RBM22: variants seen among roughly 807,000 people sequenced by gnomAD.
The protein encoded by RBM22 is RNA binding motif protein 22, also known as pre-mRNA-splicing factor RBM22.
Under a neutral mutation model 50.1 loss-of-function variants are expected in RBM22, and 1 was observed. The observed-to-expected ratio is 0.02, with a 90% confidence interval of 0.01 to 0.09. The LOEUF is 0.09. RBM22 is among the 10% of genes least tolerant of loss of function. The pLI is 1.00. For synonymous variants in RBM22, 152 were observed against 179.0 expected, an observed-to-expected ratio of 0.85 and a Z score of 1.20; for missense variants, 264 against 529.3, an observed-to-expected ratio of 0.50 and a Z score of 4.92.
chr5:150,696,905 A>C lies in RBM22; in HGVS notation c.272-14T>G. 4.3e-6 allele frequency: 7 copies of C among 1,611,064 alleles called. No individual in the cohort carries two copies. The highest frequency in any genetic ancestry group is 5.9e-6 in the Non-Finnish European group (7 of 1,177,238). ...GGATGGGCAGGCCTGGTACAAAAAAAGAGGAAAAAGACCTCAGATGTATTT... is the reference window on the plus strand; with the variant it reads ...GGATGGGCAGGCCTGGTACAAAAAACGAGGAAAAAGACCTCAGATGTATTT... On this transcript the variant is annotated splice_polypyrimidine_tract_variant and intron_variant, in intron 4 of 10. Coordinates refer to ENST00000199814, the MANE Select transcript of RBM22 (RefSeq NM_018047.3). The surrounding 1 kb of genome is among the most constrained non-coding windows in gnomAD (Gnocchi z 4.3).
intron 1 of RBM22, 149 bp from the exon 2 acceptor site, chr5:150,700,646 G>A (rs1247791869): frequency 5.2e-6 from 8 of 1,532,182 alleles, no homozygotes; most frequent in East Asian, 4.8e-5. Flanking sequence ...TCGCGGGAGG[G>A]GGCGCTGTCT....
chr5:150,699,223 C>T lies in RBM22; in HGVS notation c.138+19G>A. The T allele has an allele frequency of 1.3e-6, 2 of 1,584,678 alleles. No homozygotes were observed. Among genetic ancestry groups the T allele is most frequent in the African/African-American group, 1.4e-5 (1 of 73,436 alleles). On this transcript the variant is annotated intron_variant, in intron 3 of 10. Transcript: ENST00000199814. Reference sequence around the variant, plus strand: ...GAAAAATGAAACAGAAATCATTACTCTTTAACAGACATACTTACTTTGCAT... The same window carrying T: ...GAAAAATGAAACAGAAATCATTACTTTTTAACAGACATACTTACTTTGCAT...
Position 150,691,624 on chromosome 5 carries a change from T to C in RBM22, c.*127A>G. 2 of 1,141,244 alleles carry C rather than the reference T, an allele frequency of 1.8e-6. No homozygotes were observed. Among genetic ancestry groups the C allele is most frequent in the Non-Finnish European group, 2.3e-6 (2 of 856,558 alleles). 70.7% of individuals were successfully genotyped at this position (1,141,244 alleles called of 1,614,324 possible). ...GAAAGCATGGCTGTCAGTCTCTGAC[T>C]GCTCACATCTGAGCACATTCAGCTA... On this transcript the variant is annotated 3_prime_UTR_variant, in exon 11 of 11. Coordinates refer to ENST00000199814, the MANE Select transcript of RBM22 (RefSeq NM_018047.3).
intron 7 of RBM22, 85 bp downstream of exon 7, chr5:150,695,421 G>A (rs77328909): frequency 0.021 from 24,360 of 1,149,038 alleles, 373 homozygotes; most frequent in Non-Finnish European, 0.025. Flanking sequence ...ATTTTGTACA[G>A]AATGATCATT....
chr5:150,692,106 T>C (rs1371906773), intron 10 of RBM22, among the ~76,000 whole-genome samples: 3 of 152,212 alleles, frequency 2.0e-5, no homozygotes, highest in Non-Finnish European at 4.4e-5. Flanking sequence ...TATCGCCTAG[T>C]ATGTCATCTG....
chr5:150,695,400 C>A (rs535731148), intron 7 of RBM22, 106 bp downstream of exon 7: 7 of 1,015,148 alleles, frequency 6.9e-6, no homozygotes, highest in Admixed American at 2.5e-5. Context: ...AGAGAGACTA[C>A]AGAAAAATGT....
chr5:150,700,598 C>G (rs1225196746), intron 1 of RBM22, 101 bp from the exon 2 acceptor site: 2 of 1,577,466 alleles, frequency 1.3e-6, no homozygotes, highest in East Asian at 2.3e-5. Context: ...GGGTGGGGAA[C>G]TAGGCACGGC....
chr5:150,691,947 A>G (rs1759214903), intron 10 of RBM22, 66 bp from the exon 11 acceptor site: 8 of 1,404,138 alleles, frequency 5.7e-6, no homozygotes, highest in East Asian at 2.6e-5. Context: ...AAACCTCTCA[A>G]TCTTGCTAAG....
chr5:150,693,595 C>T (rs1759237681), intron 8 of RBM22, among the ~76,000 whole-genome samples: 1 of 152,248 alleles, frequency 6.6e-6, no homozygotes, highest in Non-Finnish European at 1.5e-5. Context: ...GCAGATGCTG[C>T]TATTAGCCAT....
chr5:150,698,686 G>A, intron 3 of RBM22, 55 bp from the exon 4 acceptor site: 1 of 1,594,058 alleles, frequency 6.3e-7, no homozygotes, highest in South Asian at 1.1e-5. Flanking sequence ...TGGGCAATCT[G>A]GAGATCTGAT....
rs1454091479 is a variant in RBM22, at chr5:150,700,693, C to T, written c.55-196G>A. On this transcript the variant is annotated intron_variant, in intron 1 of 10. Coordinates refer to ENST00000199814, the MANE Select transcript of RBM22 (RefSeq NM_018047.3). ...AGGCGGCGGGAGAAAAGAAAACCAG[C>T]TCTAATAGGCTGGAGGGGGCAGGGA... The T allele has an allele frequency of 2.0e-6, 3 of 1,528,910 alleles. No homozygotes were observed. In the Admixed American group the frequency reaches 6.0e-5, roughly 31 times the overall value. The allele number at this position is 1,528,910 out of a possible 1,614,324, so 94.7% of individuals were successfully genotyped here.
chr5:150,700,415 A>G lies in RBM22; in HGVS notation c.108+29T>C, dbSNP rs1224108447. 2.5e-6 allele frequency: 4 copies of G among 1,584,164 alleles called. No individual in the cohort carries two copies. The South Asian group carries it at 4.4e-5, about 18-fold the overall frequency. On this transcript the variant is annotated intron_variant, in intron 2 of 10. Coordinates refer to ENST00000199814, the MANE Select transcript of RBM22 (RefSeq NM_018047.3). ...AGTACCACAACATCGACAGGACATGAATAACTCGTTTCACACGCGATCACT... is the reference window on the plus strand; with the variant it reads ...AGTACCACAACATCGACAGGACATGGATAACTCGTTTCACACGCGATCACT...
In RBM22 at chr5:150,691,832, C is replaced by T; in HGVS notation, c.1182G>A (p.Met394Ile). Residue 394 changes from methionine to isoleucine, a missense_variant, in exon 11 of 11, where the codon ATG becomes ATA. Physicochemically the swap from Met to Ile is conservative, Grantham distance 10. Transcript: ENST00000199814. ...GATAGTGGATTGGTCCTGGAGCCCG[C>T]ATGAAAGGAGGGGGTGGTCCCATTG... is the stretch of plus-strand genomic sequence containing the variant. ...FHPMGPPPPFMRAPGPIHYPS... is the reference protein window; with the variant it reads ...FHPMGPPPPFIRAPGPIHYPS... 1 of 1,600,858 alleles carries T rather than the reference C, an allele frequency of 6.2e-7. No individual in the cohort carries two copies. The highest frequency in any genetic ancestry group is 1.3e-5 in the African/African-American group (1 of 74,774).
Position 150,691,701 on chromosome 5 carries a change from G to C in RBM22, c.*50C>G. 7.0e-7 allele frequency: 1 copy of C among 1,436,176 alleles called. No individual in the cohort carries two copies. Among genetic ancestry groups the C allele is most frequent in the Non-Finnish European group, 9.2e-7 (1 of 1,084,612 alleles). The allele number at this position is 1,436,176 out of a possible 1,614,324, so 89.0% of individuals were successfully genotyped here. A position where few individuals can be genotyped will look rare whatever the true frequency, so the allele number is the denominator to read the frequency against. On this transcript the variant is annotated 3_prime_UTR_variant, in exon 11 of 11. Coordinates refer to ENST00000199814, the MANE Select transcript of RBM22 (RefSeq NM_018047.3). ...ATATATTTATTCCAAGATTTACTGGGAGTTTTAAGTGCCCTTTCTTCCACA... is the reference window on the plus strand; with the variant it reads ...ATATATTTATTCCAAGATTTACTGGCAGTTTTAAGTGCCCTTTCTTCCACA...
intron 1 of RBM22, 23 bp downstream of exon 1, chr5:150,700,909 C>A (rs754623766): frequency 1.1e-5 from 17 of 1,614,116 alleles, no homozygotes; most frequent in Non-Finnish European, 1.4e-5. Context: ...CTCCTTCCAT[C>A]CTCCTCCGGC....
At position 150,696,653 on chromosome 5, in the gene RBM22, G is replaced by A; in HGVS notation, c.425C>T (p.Ser142Phe). Reference protein sequence around the residue: ...RPVGMLGKATSTSDMLLKLAR... With the variant: ...RPVGMLGKATFTSDMLLKLAR... ...CAGTTTGAGCAGCATGTCACTGGTAGATGTGGCTTTCCCCAGCATGCCAAC... is the reference window on the plus strand; with the variant it reads ...CAGTTTGAGCAGCATGTCACTGGTAAATGTGGCTTTCCCCAGCATGCCAAC... Residue 142 changes from serine (S) to phenylalanine (F), a missense_variant, in exon 6 of 11, where the codon TCT becomes TTT. Coordinates refer to ENST00000199814, the MANE Select transcript of RBM22 (RefSeq NM_018047.3). This position sits in a 1 kb window ranked among gnomAD's most constrained non-coding sequence, Gnocchi z 4.3. 6.2e-7 allele frequency: 1 copy of A among 1,614,224 alleles called. No individual in the cohort carries two copies. The highest frequency in any genetic ancestry group is 8.5e-7 in the Non-Finnish European group (1 of 1,180,030).
chr5:150,696,652 A>G lies in RBM22; in HGVS notation c.426T>C (p.Ser142=). ...RPVGMLGKAT[S]TSDMLLKLAR... is the part of the protein sequence containing the mutation. ...CCAGTTTGAGCAGCATGTCACTGGT[A>G]GATGTGGCTTTCCCCAGCATGCCAA... Residue 142 remains serine (S), a synonymous_variant, in exon 6 of 11, where the codon TCT becomes TCC. Transcript: ENST00000199814. The surrounding 1 kb of genome is among the most constrained non-coding windows in gnomAD (Gnocchi z 4.3). 6.2e-7 allele frequency: 1 copy of G among 1,614,216 alleles called. No individual in the cohort carries two copies. Among genetic ancestry groups the G allele is most frequent in the Non-Finnish European group, 8.5e-7 (1 of 1,180,026 alleles).
At chr5:150,695,305 T>C (rs1363043044) in intron 7 of RBM22, 2 of 575,566 alleles carry the variant, frequency 3.5e-6, no homozygotes, top group African/African-American at 1.9e-5. Flanking sequence ...CATGAGGCAC[T>C]GTGCCCAGCC....
At chr5:150,692,270 C>A (rs1037211789) in intron 10 of RBM22, among the ~76,000 whole-genome samples, 2 of 152,190 alleles carry the variant, frequency 1.3e-5, no homozygotes, top group African/African-American at 4.8e-5. Context: ...AAACCAGATT[C>A]TCTTCAGAGT....
Sources: gnomAD v4.1 joint callset for allele counts (sites outside exome capture counted in the v4.1 genomes callset) on GRCh38, gnomAD v4.1.1 for gene constraint, Gnocchi (gnomAD v3.1) non-coding constraint, MANE v1.5 for transcripts, NCBI Gene and HGNC (gene_info 2026-07-23, HGNC 2026-07-21) for gene names.